PLOD3: variants seen among roughly 807,000 people sequenced by gnomAD.
PLOD3 encodes the protein procollagen-lysine,2-oxoglutarate 5-dioxygenase 3, also known as multifunctional procollagen lysine hydroxylase and glycosyltransferase LH3.
Under a neutral mutation model 96.9 loss-of-function variants are expected in PLOD3, and 73 were observed. The ratio of observed to expected loss-of-function variants is 0.75; its 90% CI spans 0.62 to 0.92. The LOEUF is 0.92. PLOD3 is among the 40% of genes least tolerant of loss of function. The pLI is 0.00. For synonymous variants in PLOD3, 454 were observed against 413.7 expected (o/e 1.10, Z -1.18); for missense variants, 1,004 against 1,004.3 (o/e 1.00, Z 0.00).
At chr7:101,208,304 A>T (rs1798118854) in intron 16 of PLOD3, among the ~76,000 whole-genome samples, 1 of 151,208 alleles carries the variant, frequency 6.6e-6, no homozygotes, top group Admixed American at 6.6e-5. Context: ...CCCAGCCTGG[A>T]GTTCAATCTT....
Position 101,216,260 on chromosome 7 carries a change from G to A in PLOD3, c.405C>T (p.Arg135=). The A allele has an allele frequency of 6.2e-7, 1 of 1,613,642 alleles. No individual in the cohort carries two copies. Among genetic ancestry groups the A allele is most frequent in the Non-Finnish European group, 8.5e-7 (1 of 1,180,028 alleles). Residue 135 remains arginine (R), a synonymous_variant, in exon 4 of 19, where the codon CGC becomes CGT. Transcript: ENST00000223127. The part of the protein sequence containing the change: ...LLKKFVQSGS[R]LLFSAESFCW... ...AGAAGCTCTCTGCAGAGAAGAGCAG[G>A]CGGCTGCCACTCTGGACGAACTTCT...
rs373448775 is a variant in PLOD3 at position 101,211,798 on chromosome 7, G to A, written c.1232+48C>T. ...TGCCCAGGGCAGGAGTGGGGTTCCC[G>A]GGGCCTGTTGGGGTGCCCTCCGGCT... On this transcript the variant is annotated intron_variant, in intron 11 of 18. Transcript: ENST00000223127. The A allele has an allele frequency of 2.7e-5, 42 of 1,580,926 alleles. No homozygotes were observed. In the African/African-American group the frequency reaches 4.0e-4, roughly 15 times the overall value.
rs746531692 is a variant in PLOD3 at position 101,210,336 on chromosome 7, G to A, written c.1609C>T (p.Pro537Ser). 1.9e-6 allele frequency: 3 copies of A among 1,613,410 alleles called. No homozygotes were observed. Among genetic ancestry groups the A allele is most frequent in the South Asian group, 1.1e-5 (1 of 91,066 alleles). The change falls in exon 14 of 19, where the codon CCC (proline) becomes TCC (serine). Residue 537 changes from proline to serine, a missense_variant. Physicochemically the swap from Pro to Ser is moderately conservative, Grantham distance 74 (BLOSUM62 -1). This residue lies in a region of PLOD3 where 65 missense variants were observed against 68.8 expected (regional missense o/e 0.94). Transcript: ENST00000223127. The part of the protein sequence containing the change: ...HPDLWQIFDN[P>S]VDWKEQYIHE... ...GGCGTGGGGTCCCCACTCACGACGG[G>A]GTTGTCGAAGATCTGCCAGAGGTCG...
chr7:101,207,577 C>A lies in PLOD3; in HGVS notation c.1935+1G>T. ...AGGCAGCTGGCAGGTGGGCAGCGCACCTTGGTGTGGTAACCGGGAAACAGG... is the reference window on the plus strand; with the variant it reads ...AGGCAGCTGGCAGGTGGGCAGCGCAACTTGGTGTGGTAACCGGGAAACAGG... On this transcript the variant is annotated splice_donor_variant, in intron 17 of 18. Transcript: ENST00000223127. LOFTEE classifies it high-confidence loss of function. 6.2e-7 allele frequency: 1 copy of A among 1,613,876 alleles called. No homozygotes were observed. The highest frequency in any genetic ancestry group is 8.5e-7 in the Non-Finnish European group (1 of 1,179,856).
In PLOD3 at chr7:101,206,220, CG is replaced by C. The variant is rs997442198; in HGVS notation, c.*60del. Reference sequence around the variant, plus strand: ...GAGACCCATCCCCCAACTCCCAGGACGGGGGCCAGGCCCCCTAAAAAGGCAC... The same window carrying C: ...GAGACCCATCCCCCAACTCCCAGGACGGGGCCAGGCCCCCTAAAAAGGCAC... On this transcript the variant is annotated 3_prime_UTR_variant, in exon 19 of 19. Coordinates refer to ENST00000223127, the MANE Select transcript of PLOD3 (RefSeq NM_001084.5). 1.9e-5 allele frequency: 29 copies of C among 1,540,354 alleles called. No homozygotes were observed. The highest frequency in any genetic ancestry group is 5.0e-5 in the Admixed American group (3 of 59,912).
rs933234680 is a variant in PLOD3, at chr7:101,211,323, G to A, written c.1358+268C>T. 7.5e-4 allele frequency: 314 copies of A among 417,706 alleles called. 2 individuals are homozygous for A. Among genetic ancestry groups the A allele is most frequent in the Non-Finnish European group, 9.2e-5 (21 of 227,774 alleles). The allele number at this position is 417,706 out of a possible 1,614,324, so 25.9% of individuals were successfully genotyped here. ...GCCTCCGTAGTAGCTGGGACCACAGGCACGCACCACCGTGCCCAGCTAATA... is the reference window on the plus strand; with the variant it reads ...GCCTCCGTAGTAGCTGGGACCACAGACACGCACCACCGTGCCCAGCTAATA... On this transcript the variant is annotated intron_variant, in intron 12 of 18. Coordinates refer to ENST00000223127, the MANE Select transcript of PLOD3 (RefSeq NM_001084.5).
At chr7:101,210,941 T>C in intron 12 of PLOD3, 1 of 454,382 alleles carries the variant, frequency 2.2e-6, no homozygotes, top group East Asian at 4.5e-5. Context: ...AATGCAGTGG[T>C]GTGATCTTGG....
rs766041315 is a variant in PLOD3, at chr7:101,206,456, G to T, written c.2062-20C>A. On this transcript the variant is annotated intron_variant, in intron 18 of 18. Coordinates refer to ENST00000223127, the MANE Select transcript of PLOD3 (RefSeq NM_001084.5). ...ACCTCCCTGGAAAGAGAAGGGAAAG[G>T]AAACATGGAGTGAGCAGACGTGGGG... The T allele has an allele frequency of 1.3e-6, 2 of 1,577,934 alleles. No homozygotes were observed. Among genetic ancestry groups the T allele is most frequent in the Non-Finnish European group, 1.7e-6 (2 of 1,162,792 alleles).
chr7:101,217,017 C>A (rs1249206920), intron 1 of PLOD3, 149 bp downstream of exon 1: 4 of 934,964 alleles, frequency 4.3e-6, no homozygotes, highest in South Asian at 3.4e-5. Context: ...TAGTGATGGG[C>A]GAGGGGCTTG....
chr7:101,210,177 G>A lies in PLOD3; in HGVS notation c.1615-16C>T, dbSNP rs1258173173. 1.3e-6 allele frequency: 2 copies of A among 1,592,930 alleles called. No individual in the cohort carries two copies. Among genetic ancestry groups the A allele is most frequent in the Non-Finnish European group, 1.7e-6 (2 of 1,166,540 alleles). On this transcript the variant is annotated splice_polypyrimidine_tract_variant and intron_variant, in intron 14 of 18. Transcript: ENST00000223127. ...CCTTCCAGTCCTGTGAGAGGGTGGG[G>A]GGCACATCAGATCTGTGCCCCCCTC...
chr7:101,206,214 C>T lies in PLOD3; in HGVS notation c.*67G>A. On this transcript the variant is annotated 3_prime_UTR_variant, in exon 19 of 19. Transcript: ENST00000223127. ...GACAGAGAGACCCATCCCCCAACTC[C>T]CAGGACGGGGGCCAGGCCCCCTAAA... The T allele has an allele frequency of 6.5e-7, 1 of 1,531,552 alleles. No individual in the cohort carries two copies. Among genetic ancestry groups the T allele is most frequent in the Non-Finnish European group, 9.0e-7 (1 of 1,105,208 alleles). 94.9% of individuals were successfully genotyped at this position (1,531,552 alleles called of 1,614,324 possible).
At chr7:101,208,377 G>T in intron 16 of PLOD3, among the ~76,000 whole-genome samples, 1 of 152,012 alleles carries the variant, frequency 6.6e-6, no homozygotes, top group East Asian at 1.9e-4. Context: ...GAGTAGCTGG[G>T]ACTACAGGCG....
Position 101,211,598 on chromosome 7 carries a change from T to G in PLOD3, c.1351A>C (p.Lys451Gln). 1 of 1,600,752 alleles carries G rather than the reference T, an allele frequency of 6.2e-7. No homozygotes were observed. The highest frequency in any genetic ancestry group is 8.5e-7 in the Non-Finnish European group (1 of 1,174,684). ...CAGGCTGGCGGGACTCACACTCGCTTCCGCTGCACCAGCTCCACGTAGTCC... is the reference window on the plus strand; with the variant it reads ...CAGGCTGGCGGGACTCACACTCGCTGCCGCTGCACCAGCTCCACGTAGTCC... ...SEDYVELVQR[K>Q]RVGVWNVPYI... The change falls in exon 12 of 19, where the codon AAG becomes CAG. Residue 451 changes from lysine to glutamine, a missense_variant. Physicochemically the swap from Lys to Gln is moderately conservative, Grantham distance 53. Transcript: ENST00000223127.
chr7:101,206,760 T>C lies in PLOD3; in HGVS notation c.2061+19A>G. On this transcript the variant is annotated intron_variant, in intron 18 of 18. Coordinates refer to ENST00000223127, the MANE Select transcript of PLOD3 (RefSeq NM_001084.5). ...GGTCCTGAGGTGAAGCGTGGGTGGG[T>C]AGTGTGACTGGGGCGCACCTCATAG... 6.3e-7 allele frequency: 1 copy of C among 1,576,226 alleles called. No homozygotes were observed. Among genetic ancestry groups the C allele is most frequent in the Non-Finnish European group, 8.6e-7 (1 of 1,160,648 alleles).
chr7:101,213,491 A>T, intron 6 of PLOD3: 1 of 446,076 alleles, frequency 2.2e-6, no homozygotes, highest in Non-Finnish European at 4.0e-6. Flanking sequence ...CCCTCCTCAT[A>T]TTCTCTCTCT....
At chr7:101,210,802 C>A (rs993314984) in intron 12 of PLOD3, 129 bp from the exon 13 acceptor site, 1 of 1,002,704 alleles carries the variant, frequency 1.0e-6, no homozygotes, top group East Asian at 2.5e-5. Flanking sequence ...TGTCCCTTGT[C>A]AAGCACTGCT....
At position 101,216,543 on chromosome 7, in the gene PLOD3, G is replaced by C. The variant is rs1407199898; in HGVS notation, c.205C>G (p.Leu69Val). The change falls in exon 3 of 19, where the codon CTG becomes GTG. Residue 69 changes from leucine to valine, a missense_variant. By Grantham distance (32) the Leu-to-Val change is conservative. Around this residue, in one of 5 missense-constraint regions of PLOD3, gnomAD observed 690 missense variants for 650.2 expected, o/e 1.06. Transcript: ENST00000223127. Reference sequence around the variant, plus strand: ...CCTCGCCACTCCTCTCCCAGGCCCAGGGTCTGTGGAGAAGATTGCCCCGTG... The same window carrying C: ...CCTCGCCACTCCTCTCCCAGGCCCACGGTCTGTGGAGAAGATTGCCCCGTG... The part of the protein sequence containing the change: ...AEFFNYTVRT[L>V]GLGEEWRGGD... 1.9e-6 allele frequency: 3 copies of C among 1,614,062 alleles called. No individual in the cohort carries two copies. Among genetic ancestry groups the C allele is most frequent in the Non-Finnish European group, 2.5e-6 (3 of 1,180,026 alleles).
intron 16 of PLOD3, among the ~76,000 whole-genome samples, chr7:101,208,169 C>A (rs902053185): frequency 6.6e-6 from 1 of 152,188 alleles, no homozygotes; most frequent in African/African-American, 2.4e-5. Context: ...ATGATCATAG[C>A]TCACTGCAGC....
rs1798295914 is a variant in PLOD3 at position 101,217,352 on chromosome 7, C to G, written c.-78G>C. 7.5e-7 allele frequency: 1 copy of G among 1,327,142 alleles called. No individual in the cohort carries two copies. Among genetic ancestry groups the G allele is most frequent in the Non-Finnish European group, 9.7e-7 (1 of 1,035,314 alleles). 82.2% of individuals were successfully genotyped at this position (1,327,142 alleles called of 1,614,324 possible). On this transcript the variant is annotated 5_prime_UTR_variant, in exon 1 of 19. Coordinates refer to ENST00000223127, the MANE Select transcript of PLOD3 (RefSeq NM_001084.5). ...CCTGGATCCCAGCTCCGGAGGGGAG[C>G]TCTGGAAAGGGGGCGCTCGGGCTGC...
Sources: gnomAD v4.1 joint callset for allele counts (sites outside exome capture counted in the v4.1 genomes callset) on GRCh38, gnomAD v4.1.1 for gene constraint, gnomAD v4.1.1 regional missense constraint, MANE v1.5 for transcripts, NCBI Gene and HGNC (gene_info 2026-07-23, HGNC 2026-07-21) for gene names.